Variants in GNAL observed in about 807,000 individuals in gnomAD.
GNAL encodes the protein G protein subunit alpha L.
A neutral mutation model predicts 55.1 loss-of-function variants in GNAL; 18 were observed. The ratio of observed to expected loss-of-function variants is 0.33; its 90% CI spans 0.23 to 0.48. The LOEUF (loss-of-function observed/expected upper bound fraction) is 0.48, where lower values mean the gene tolerates loss of function less well. Among genes scored for constraint, GNAL ranks in the 20% least tolerant of loss-of-function variants. The pLI is 0.99. For missense variants in GNAL, 412 were observed against 614.1 expected (o/e 0.67, Z 3.48); for synonymous variants, 253 against 237.0 (o/e 1.07, Z -0.62).
intron 4 of GNAL, 132 bp from the exon 5 acceptor site, chr18:11,824,786 T>C: frequency 1.7e-6 from 1 of 584,848 alleles, no homozygotes; most frequent in Admixed American, 3.3e-5. Context: ...TGCATTTTAC[T>C]ATGCAGACTT....
intron 1 of GNAL, among the ~76,000 whole-genome samples, chr18:11,720,913 C>CT (rs2032078495): frequency 6.6e-6 from 1 of 152,144 alleles, no homozygotes; most frequent in South Asian, 2.1e-4. Context: ...CCCTAAATAA[C>CT]TTTATTGCAA....
At chr18:11,744,386 T>C (rs901914529) in intron 1 of GNAL, among the ~76,000 whole-genome samples, 15 of 152,184 alleles carry the variant, frequency 9.9e-5, no homozygotes, top group Non-Finnish European at 2.1e-4. Context: ...ATTTCCCTGC[T>C]TTTCTCTAAA....
intron 4 of GNAL, among the ~76,000 whole-genome samples, chr18:11,801,098 C>CGA (rs1324278217): frequency 2.6e-5 from 4 of 152,202 alleles, no homozygotes; most frequent in Non-Finnish European, 5.9e-5. Context: ...TATTCATCCA[C>CGA]TGCTCATGAA....
chr18:11,817,869 G>C (rs1052544238), intron 4 of GNAL, among the ~76,000 whole-genome samples: 4 of 151,924 alleles, frequency 2.6e-5, no homozygotes, highest in Non-Finnish European at 5.9e-5. Flanking sequence ...TATTACAGGC[G>C]TGAGCCACCG....
At chr18:11,805,504 C>T (rs992686305) in intron 4 of GNAL, among the ~76,000 whole-genome samples, 4 of 152,076 alleles carry the variant, frequency 2.6e-5, no homozygotes, top group African/African-American at 9.7e-5. Context: ...CATCTACCCC[C>T]CACCAACCCC....
At chr18:11,708,061 A>G (rs1343831089) in intron 1 of GNAL, among the ~76,000 whole-genome samples, 1 of 152,144 alleles carries the variant, frequency 6.6e-6, no homozygotes, top group Non-Finnish European at 1.5e-5. Context: ...CAATGTGGCT[A>G]TTTCACTTTC....
At position 11,704,063 on chromosome 18, in the gene GNAL, A is replaced by T. The variant is rs564383532; in HGVS notation, c.376+14124A>T. On this transcript the variant is annotated intron_variant, in intron 1 of 11. Transcript: ENST00000334049. ...GAATGTTCGTTTAGGAACACAGAGG[A>T]TGGATTTCTAGAGTAATCTCAAAAT... is the stretch of plus-strand genomic sequence containing the variant. Among the ~76,000 whole-genome samples, 28 of 152,316 alleles carry T rather than the reference A, an allele frequency of 1.8e-4. No homozygotes were observed. In the East Asian group the frequency reaches 3.9e-3, roughly 21 times the overall value.
chr18:11,751,685 C>A lies in GNAL; in HGVS notation c.377-1168C>A. Reference sequence around the variant, plus strand: ...CGGCGCAGCGGAGGGGCTGCGGGCCCGGAACCCAGGCCGGTCAGCGTGTAA... The same window carrying A: ...CGGCGCAGCGGAGGGGCTGCGGGCCAGGAACCCAGGCCGGTCAGCGTGTAA... On this transcript the variant is annotated intron_variant, in intron 1 of 11. Transcript: ENST00000334049. This position sits in a 1 kb window ranked among gnomAD's most constrained non-coding sequence, Gnocchi z 4.5. The A allele has an allele frequency of 1.0e-6, 1 of 984,450 alleles. No homozygotes were observed. Among genetic ancestry groups the A allele is most frequent in the Non-Finnish European group, 1.2e-6 (1 of 829,082 alleles). 61.0% of individuals were successfully genotyped at this position (984,450 alleles called of 1,614,324 possible).
intron 4 of GNAL, among the ~76,000 whole-genome samples, chr18:11,815,795 T>A (rs9646452): frequency 6.6e-6 from 1 of 152,188 alleles, no homozygotes; most frequent in Admixed American, 6.5e-5. Flanking sequence ...TTAATCCAGA[T>A]TATTTGTTGT....
intron 4 of GNAL, among the ~76,000 whole-genome samples, chr18:11,817,749 G>A (rs74865744): frequency 6.7e-6 from 1 of 150,286 alleles, no homozygotes; most frequent in East Asian, 1.9e-4. Context: ...CCACAACACC[G>A]GGCTAATTTT....
At chr18:11,787,742 C>T (rs544627305) in intron 4 of GNAL, among the ~76,000 whole-genome samples, 3 of 152,022 alleles carry the variant, frequency 2.0e-5, no homozygotes, top group Admixed American at 6.5e-5. Flanking sequence ...GGCATGGTGG[C>T]GGGTGCCTGT....
At chr18:11,786,893 C>T (rs2143397883) in intron 4 of GNAL, among the ~76,000 whole-genome samples, 1 of 152,140 alleles carries the variant, frequency 6.6e-6, no homozygotes, top group East Asian at 1.9e-4. Flanking sequence ...CAGCCCTGTC[C>T]AGAGCATGGG....
chr18:11,693,490 G>C (rs991223352), intron 1 of GNAL, among the ~76,000 whole-genome samples: 1 of 152,144 alleles, frequency 6.6e-6, no homozygotes, highest in East Asian at 1.9e-4. Context: ...ATAGATTTGA[G>C]TTAAACACAC....
intron 11 of GNAL, 31 bp from the exon 12 acceptor site, chr18:11,880,958 G>A (rs752667883): frequency 1.9e-5 from 31 of 1,603,122 alleles, no homozygotes; most frequent in East Asian, 9.0e-5. Flanking sequence ...CTGGGGCCGC[G>A]CAGGGCTAGT....
rs1397382348 is a variant in GNAL at position 11,851,551 on chromosome 18, G to A, written c.723-10844G>A. On this transcript the variant is annotated intron_variant, in intron 5 of 11. Coordinates refer to ENST00000334049, the MANE Select transcript of GNAL (RefSeq NM_182978.4). ...GAAACACCTGTTCAACCTGAAGTTC[G>A]CGGCCAAAGAACTGAGTAGGAGTGC... The A allele has an allele frequency of 2.5e-6, 4 of 1,608,248 alleles. No individual in the cohort carries two copies. The South Asian group carries it at 3.3e-5, about 13-fold the overall frequency.
At chr18:11,787,966 T>C (rs1289929995) in intron 4 of GNAL, among the ~76,000 whole-genome samples, 4 of 152,176 alleles carry the variant, frequency 2.6e-5, no homozygotes, top group African/African-American at 7.2e-5. Context: ...AAGTGTGTCT[T>C]AGCACCCAGT....
At chr18:11,739,404 C>T (rs577302603) in intron 1 of GNAL, among the ~76,000 whole-genome samples, 4 of 152,096 alleles carry the variant, frequency 2.6e-5, no homozygotes, top group African/African-American at 7.2e-5. Flanking sequence ...AAAGGACGTC[C>T]GTGTGTGTTT....
At chr18:11,713,696 C>T (rs1480728455) in intron 1 of GNAL, among the ~76,000 whole-genome samples, 1 of 152,180 alleles carries the variant, frequency 6.6e-6, no homozygotes, top group Non-Finnish European at 1.5e-5. Context: ...CAGAAAACCT[C>T]TGCTATACAA....
In GNAL at chr18:11,815,925, G is replaced by A. The variant is rs999350184; in HGVS notation, c.625-8993G>A. ...GGGAAATGCAAATTAAAACCACAAC[G>A]AGATACCACTACATGCCCACTAGAA... On this transcript the variant is annotated intron_variant, in intron 4 of 11. Coordinates refer to ENST00000334049, the MANE Select transcript of GNAL (RefSeq NM_182978.4). 5.3e-5 allele frequency among the ~76,000 whole-genome samples: 8 copies of A among 151,954 alleles called. No homozygotes were observed. In the East Asian group the frequency reaches 7.7e-4, roughly 15 times the overall value.
Sources: gnomAD v4.1 joint callset for allele counts (sites outside exome capture counted in the v4.1 genomes callset) on GRCh38, gnomAD v4.1.1 for gene constraint, Gnocchi (gnomAD v3.1) non-coding constraint, MANE v1.5 for transcripts, NCBI Gene and HGNC (gene_info 2026-07-23, HGNC 2026-07-21) for gene names.